ANK1: variants seen among roughly 807,000 people sequenced by gnomAD.
The protein encoded by ANK1 is ankyrin-1.
Under a neutral mutation model 210.4 loss-of-function variants are expected in ANK1, and 51 were observed. The observed-to-expected ratio is 0.24, with a 90% CI of 0.19 to 0.31. The LOEUF (loss-of-function observed/expected upper bound fraction) is 0.31, where lower values mean the gene tolerates loss of function less well. Among genes scored for constraint, ANK1 ranks in the 10% least tolerant of loss-of-function variants. ANK1 has a pLI of 1.00. For synonymous variants in ANK1, 967 were observed against 1,025.9 expected, an observed-to-expected ratio of 0.94 and a Z score of 1.10; for missense variants, 2,051 against 2,504.4, an observed-to-expected ratio of 0.82 and a Z score of 3.86.
At chr8:41,770,230 G>A (rs1011846232) in intron 1 of ANK1, among the ~76,000 whole-genome samples, 5 of 152,034 alleles carry the variant, frequency 3.3e-5, no homozygotes, top group East Asian at 1.9e-4. Flanking sequence ...TGCTCTGCCC[G>A]CCTCGGCCTC....
intron 2 of ANK1, 147 bp downstream of exon 2, chr8:41,757,889 G>T: frequency 1.2e-6 from 1 of 808,476 alleles, no homozygotes; most frequent in South Asian, 1.4e-5. Context: ...GAAACAGCAA[G>T]GTTAGGGCCT....
chr8:41,809,147 C>T (rs776598864), intron 1 of ANK1, among the ~76,000 whole-genome samples: 20 of 152,150 alleles, frequency 1.3e-4, no homozygotes, highest in Non-Finnish European at 2.5e-4. Context: ...TCTTAATCTC[C>T]ACTTTGATCT....
chr8:41,871,655 G>GGCTGAC (rs1563941370), intron 1 of ANK1, among the ~76,000 whole-genome samples: 1 of 152,150 alleles, frequency 6.6e-6, no homozygotes, highest in African/African-American at 2.4e-5. Flanking sequence ...CAAAGGAGCC[G>GGCTGAC]ACCCTGCTGA....
chr8:41,815,321 T>G (rs1803142902), intron 1 of ANK1, among the ~76,000 whole-genome samples: 1 of 152,108 alleles, frequency 6.6e-6, no homozygotes, highest in Non-Finnish European at 1.5e-5. Flanking sequence ...GAAAAAAAAT[T>G]TCACTATCTC....
chr8:41,873,804 C>G (rs1351317543), intron 1 of ANK1, among the ~76,000 whole-genome samples: 1 of 152,210 alleles, frequency 6.6e-6, no homozygotes, highest in African/African-American at 2.4e-5. Flanking sequence ...GCTTCGCTAC[C>G]CTGAGCACCT....
chr8:41,861,862 G>A (rs986949061), intron 1 of ANK1, among the ~76,000 whole-genome samples: 1 of 152,184 alleles, frequency 6.6e-6, no homozygotes, highest in African/African-American at 2.4e-5. Context: ...TTCTGAGCAC[G>A]CCTTCTTAGA....
chr8:41,827,839 GCACACACGCATACATACACCCACT>G (rs1805725322), intron 1 of ANK1, among the ~76,000 whole-genome samples: 1 of 133,350 alleles, frequency 7.5e-6, no homozygotes, highest in African/African-American at 2.8e-5. Flanking sequence ...ACTCACACAT[GCACACACGCATACATACACCCACT>G]CACACACCCC....
At chr8:41,685,222 C>T (rs1268798402) in intron 36 of ANK1, among the ~76,000 whole-genome samples, 1 of 152,218 alleles carries the variant, frequency 6.6e-6, no homozygotes, top group African/African-American at 2.4e-5. Context: ...AGCCACCGTG[C>T]CCACCACAGT....
At position 41,755,141 on chromosome 8, in the gene ANK1, C is replaced by A. The variant is rs545655486; in HGVS notation, c.129+2895G>T. On this transcript the variant is annotated intron_variant, in intron 2 of 42. Transcript: ENST00000289734. ...AAGCAGGGCTGACAGCCACTTGTCA[C>A]TGGCGCTGAGCCAATCGGAAATGGT... Among the ~76,000 whole-genome samples the A allele has an allele frequency of 3.9e-5, 6 of 152,386 alleles. No homozygotes were observed. The South Asian group carries it at 1.2e-3, about 32-fold the overall frequency.
In ANK1 at chr8:41,687,987, G is replaced by A. The variant is rs140075127; in HGVS notation, c.4258+169C>T. Among the ~76,000 whole-genome samples, 1,382 of 152,316 alleles carry A rather than the reference G, an allele frequency of 9.1e-3. 6 individuals carry two copies. The highest frequency in any genetic ancestry group is 0.013 in the Non-Finnish European group (878 of 68,024). On this transcript the variant is annotated intron_variant, in intron 35 of 42. Coordinates refer to ENST00000289734, the MANE Select transcript of ANK1 (RefSeq NM_000037.4). Reference sequence around the variant, plus strand: ...GGAGGCAGGGGGCTCCCCCTTCATGGGCAGCCAATGGTGTGGCTTGGGCAG... The same window carrying A: ...GGAGGCAGGGGGCTCCCCCTTCATGAGCAGCCAATGGTGTGGCTTGGGCAG...
At chr8:41,718,468 T>C (rs77250091) in intron 10 of ANK1, among the ~76,000 whole-genome samples, 1 of 152,212 alleles carries the variant, frequency 6.6e-6, no homozygotes, top group Non-Finnish European at 1.5e-5. Context: ...AAAAATTTAT[T>C]CATATTTTGG....
intron 39 of ANK1, chr8:41,665,193 G>A: frequency 6.5e-7 from 1 of 1,531,854 alleles, no homozygotes; most frequent in Non-Finnish European, 8.7e-7. Context: ...TCTCTCTGTG[G>A]GCAGGACACC....
At chr8:41,681,802 G>A (rs1816151210) in intron 37 of ANK1, among the ~76,000 whole-genome samples, 1 of 147,128 alleles carries the variant, frequency 6.8e-6, no homozygotes, top group African/African-American at 2.5e-5. Flanking sequence ...GCACCCAGAT[G>A]AGGGCCAGAC....
At chr8:41,890,854 CA>C (rs74734345) in intron 1 of ANK1, among the ~76,000 whole-genome samples, 10,981 of 151,874 alleles carry the variant, frequency 0.072, 551 homozygotes, top group East Asian at 0.22. Context: ...CTCTCAAAAT[CA>C]AAAAGAACAA....
chr8:41,669,152 T>C (rs1811461118), intron 38 of ANK1, among the ~76,000 whole-genome samples: 1 of 151,526 alleles, frequency 6.6e-6, no homozygotes, highest in Non-Finnish European at 1.5e-5. Flanking sequence ...CTCACCGCTG[T>C]CCACATCCAC....
At chr8:41,873,482 C>A (rs1815951248) in intron 1 of ANK1, among the ~76,000 whole-genome samples, 1 of 152,232 alleles carries the variant, frequency 6.6e-6, no homozygotes, top group Non-Finnish European at 1.5e-5. Context: ...ATCTTATCCC[C>A]ATTTTGCAGA....
At chr8:41,836,512 T>C (rs1807758380) in intron 1 of ANK1, among the ~76,000 whole-genome samples, 1 of 152,242 alleles carries the variant, frequency 6.6e-6, no homozygotes, top group South Asian at 2.1e-4. Context: ...GGGCTCCCGG[T>C]CCCCCTCCCC....
At position 41,784,444 on chromosome 8, in the gene ANK1, T is replaced by C. The variant is rs190253516; in HGVS notation, c.27+13068A>G. On this transcript the variant is annotated intron_variant, in intron 1 of 42. Transcript: ENST00000289734. ...TAAATGTGAACGTTAGTATATTAAG[T>C]ATTCACCCCTTCAATAAGATCTGTA... Among the ~76,000 whole-genome samples, 4 of 152,356 alleles carry C rather than the reference T, an allele frequency of 2.6e-5. No homozygotes were observed. In the East Asian group the frequency reaches 7.7e-4, roughly 29 times the overall value.
chr8:41,656,720 C>T (rs1440640143), intron 42 of ANK1, among the ~76,000 whole-genome samples: 2 of 152,166 alleles, frequency 1.3e-5, no homozygotes, highest in Admixed American at 6.5e-5. Flanking sequence ...GGAGCTCATT[C>T]GGAGGTGGAG....
Sources: gnomAD v4.1 joint callset for allele counts (sites outside exome capture counted in the v4.1 genomes callset) on GRCh38, gnomAD v4.1.1 for gene constraint, MANE v1.5 for transcripts, NCBI Gene and HGNC (gene_info 2026-07-23, HGNC 2026-07-21) for gene names.